The following ABCA13 variants were observed in gnomAD, a reference collection of about 807,000 sequenced individuals.
ABCA13 encodes ATP-binding cassette sub-family A member 13.
Under a neutral mutation model 478.7 loss-of-function variants are expected in ABCA13, and 476 were observed. The observed-to-expected ratio is 0.99, with a 90% confidence interval of 0.92 to 1.07. The LOEUF is 1.07. Ranked by LOEUF, ABCA13 falls within the 50% of genes least tolerant of loss-of-function variation. The probability of loss-of-function intolerance (pLI) is 0.00; values close to 1 mark genes in which losing one functional copy is unlikely to be tolerated. For synonymous variants in ABCA13, 2,252 were observed against 2,158.9 expected, an observed-to-expected ratio of 1.04 and a Z score of -1.20; for missense variants, 6,060 against 5,910.6, an observed-to-expected ratio of 1.03 and a Z score of -0.83.
intron 44 of ABCA13, among the ~76,000 whole-genome samples, chr7:48,468,077 G>C (rs758300105): frequency 1.3e-4 from 19 of 151,918 alleles, no homozygotes; most frequent in Non-Finnish European, 1.2e-4. Flanking sequence ...GGCCCCATGG[G>C]GTCCAGCCCT....
chr7:48,272,618 G>A lies in ABCA13; in HGVS notation c.2952G>A (p.Ser984=), dbSNP rs140296472. 7,398 of 1,612,976 alleles carry A rather than the reference G, an allele frequency of 4.6e-3. 31 individuals carry two copies. Among genetic ancestry groups the A allele is most frequent in the Middle Eastern group, 9.7e-3 (59 of 6,060 alleles). ...TGAATATTCAGAGTAGAGGCTCTTCGTTGACTTTCCTTACACAAATCTCAA... is the reference window on the plus strand; with the variant it reads ...TGAATATTCAGAGTAGAGGCTCTTCATTGACTTTCCTTACACAAATCTCAA... ...ELLNIQSRGS[S]LTFLTQISKH... Residue 984 remains serine (S), a synonymous_variant, in exon 17 of 62, where the codon TCG becomes TCA. Coordinates refer to ENST00000435803, the MANE Select transcript of ABCA13 (RefSeq NM_152701.5).
chr7:48,605,654 T>C (rs1319150586), intron 58 of ABCA13, among the ~76,000 whole-genome samples: 1 of 152,190 alleles, frequency 6.6e-6, no homozygotes, highest in Admixed American at 6.5e-5. Flanking sequence ...ATTTTTTCCT[T>C]CATTTCCACC....
chr7:48,587,233 A>G lies in ABCA13; in HGVS notation c.14585A>G (p.Lys4862Arg), dbSNP rs1267691209. 3 of 1,612,564 alleles carry G rather than the reference A, an allele frequency of 1.9e-6. No homozygotes were observed. The highest frequency in any genetic ancestry group is 2.2e-5 in the East Asian group (1 of 44,800). ...KPVATYSGGT[K>R]RKLSTALALV... ...GTGGCCACCTACAGTGGGGGAACCA[A>G]GCGGAAACTCTCTACAGCCCTGGCC... Residue 4862 changes from lysine to arginine, a missense_variant, in exon 57 of 62, where the codon AAG (lysine) becomes AGG (arginine). This residue lies in a region of ABCA13 where 1,627 missense variants were observed against 1,571.0 expected (regional missense o/e 1.04). Transcript: ENST00000435803.
intron 59 of ABCA13, among the ~76,000 whole-genome samples, chr7:48,633,931 C>CATAGATAGATAGATACATAGATAG (rs1554589114): frequency 9.7e-5 from 14 of 145,006 alleles, no homozygotes; most frequent in African/African-American, 3.3e-4. Context: ...TAGATAGATA[C>CATAGATAGATAGATACATAGATAG]ATAGATAGAT....
chr7:48,284,420 A>G lies in ABCA13; in HGVS notation c.8836+2968A>G, dbSNP rs575388455. On this transcript the variant is annotated intron_variant, in intron 19 of 61. Coordinates refer to ENST00000435803, the MANE Select transcript of ABCA13 (RefSeq NM_152701.5). ...TTTCTGTTGTCAAATAGAAATCAGT[A>G]AAGTGTTACAATCTAAGTACAAGTT... 2.6e-5 allele frequency among the ~76,000 whole-genome samples: 4 copies of G among 152,324 alleles called. No individual in the cohort carries two copies. In the East Asian group the frequency reaches 7.7e-4, roughly 29 times the overall value.
chr7:48,602,676 CT>C (rs1455433758), intron 58 of ABCA13, among the ~76,000 whole-genome samples: 1 of 151,760 alleles, frequency 6.6e-6, no homozygotes, highest in Admixed American at 6.6e-5. Flanking sequence ...CAGCTTTGTT[CT>C]TTTTGCTTAG....
At position 48,288,096 on chromosome 7, in the gene ABCA13, T is replaced by G; in HGVS notation, c.8955+18T>G. ...ACTTCCAGGTTTGTCGTCTTTAATA[T>G]TTCAGAGAATTTCATGTTCATGACT... On this transcript the variant is annotated intron_variant, in intron 20 of 61. Transcript: ENST00000435803. The G allele has an allele frequency of 6.3e-7, 1 of 1,598,958 alleles. No homozygotes were observed. The highest frequency in any genetic ancestry group is 8.6e-7 in the Non-Finnish European group (1 of 1,166,346).
intron 53 of ABCA13, among the ~76,000 whole-genome samples, chr7:48,521,999 T>C (rs1832575419): frequency 6.6e-6 from 1 of 152,066 alleles, no homozygotes; most frequent in African/African-American, 2.4e-5. Flanking sequence ...GTGTGGTGCC[T>C]TCTGCTCAGT....
chr7:48,429,943 T>G (rs549973757), intron 42 of ABCA13, among the ~76,000 whole-genome samples: 1 of 152,352 alleles, frequency 6.6e-6, no homozygotes, highest in South Asian at 2.1e-4. Context: ...TTTATTGTGC[T>G]AGTATTTTGT....
chr7:48,451,327 T>C (rs1351415462), intron 42 of ABCA13, among the ~76,000 whole-genome samples: 1 of 152,126 alleles, frequency 6.6e-6, no homozygotes, highest in Non-Finnish European at 1.5e-5. Flanking sequence ...GGTTTATGTA[T>C]GTGATGAAAT....
At chr7:48,352,740 A>C (rs760432052) in intron 31 of ABCA13, among the ~76,000 whole-genome samples, 19 of 152,066 alleles carry the variant, frequency 1.2e-4, no homozygotes, top group South Asian at 4.1e-4. Flanking sequence ...ATAGTTTTAA[A>C]TACACTTAAA....
intron 27 of ABCA13, among the ~76,000 whole-genome samples, chr7:48,331,318 T>A (rs550918131): frequency 8.3e-4 from 126 of 152,184 alleles, no homozygotes; most frequent in Non-Finnish European, 1.6e-3. Context: ...AAATAAGACT[T>A]TAATCACAGG....
chr7:48,236,221 G>C (rs2129003707), intron 8 of ABCA13, among the ~76,000 whole-genome samples: 1 of 152,280 alleles, frequency 6.6e-6, no homozygotes, highest in South Asian at 2.1e-4. Context: ...GAAATATATG[G>C]TGAATGAGTT....
intron 57 of ABCA13, among the ~76,000 whole-genome samples, chr7:48,590,850 A>T (rs1003713098): frequency 6.6e-6 from 1 of 151,984 alleles, no homozygotes; most frequent in Non-Finnish European, 1.5e-5. Flanking sequence ...ATTTAGTTTT[A>T]CGACTTTCAT....
chr7:48,522,402 C>T lies in ABCA13; in HGVS notation c.14052-1846C>T, dbSNP rs564176339. On this transcript the variant is annotated intron_variant, in intron 53 of 61. Transcript: ENST00000435803. The stretch of plus-strand genomic sequence containing the variant: ...TCAGGTTTCCATTAGGACCTGAGCC[C>T]TAGTTCCTGCCTATTTTGTCTCCTG... Among the ~76,000 whole-genome samples the T allele has an allele frequency of 2.6e-5, 4 of 152,244 alleles. No homozygotes were observed. In the South Asian group the frequency reaches 8.3e-4, roughly 32 times the overall value.
intron 30 of ABCA13, 34 bp downstream of exon 30, chr7:48,350,853 A>T (rs1402014083): frequency 6.3e-7 from 1 of 1,591,168 alleles, no homozygotes; most frequent in Non-Finnish European, 8.6e-7. Context: ...GTTCGCCAAG[A>T]TGCCAACTCC....
chr7:48,476,890 T>C (rs1047690677), intron 45 of ABCA13, among the ~76,000 whole-genome samples: 1 of 152,150 alleles, frequency 6.6e-6, no homozygotes, highest in Admixed American at 6.5e-5. Context: ...TAAGTTTATC[T>C]CAGAGCTACA....
chr7:48,531,076 A>G (rs974644962), intron 55 of ABCA13, among the ~76,000 whole-genome samples: 2 of 152,028 alleles, frequency 1.3e-5, no homozygotes, highest in Admixed American at 6.6e-5. Context: ...GCCAATGTTT[A>G]GAGGGGTTTT....
At chr7:48,175,808 A>G (rs1389098093) in intron 1 of ABCA13, among the ~76,000 whole-genome samples, 3 of 152,110 alleles carry the variant, frequency 2.0e-5, no homozygotes, top group Non-Finnish European at 4.4e-5. Flanking sequence ...GTAATTTTGT[A>G]TCCTTTAATA....
Sources: allele counts gnomAD v4.1 joint callset (sites outside exome capture counted in the v4.1 genomes callset), GRCh38; gene constraint gnomAD v4.1.1; regional missense constraint gnomAD v4.1.1; transcripts MANE v1.5; gene names NCBI Gene and HGNC (gene_info 2026-07-23, HGNC 2026-07-21).